MIB2: variants seen among roughly 807,000 people sequenced by gnomAD.
The protein encoded by MIB2 is E3 ubiquitin-protein ligase MIB2.
A neutral mutation model predicts 96.6 loss-of-function variants in MIB2; 78 were observed. The ratio of observed to expected loss-of-function variants is 0.81; its 90% CI spans 0.67 to 0.97. MIB2 has a LOEUF of 0.97. Ranked by LOEUF, MIB2 falls within the 50% of genes least tolerant of loss-of-function variation. The pLI, the probability that MIB2 is intolerant of heterozygous loss-of-function variation, is 0.00. For synonymous variants in MIB2, 820 were observed against 629.5 expected (o/e 1.30, Z -4.53); for missense variants, 1,543 against 1,424.0 (o/e 1.08, Z -1.35).
upstream of MIB2, chr1:1,615,263 G>C (rs749307730): frequency 5.3e-5 from 62 of 1,160,504 alleles, no homozygotes; most frequent in Admixed American, 1.1e-4. Context: ...TGCCGCCAGT[G>C]CCAGCGAGCG....
intron 2 of MIB2, among the ~76,000 whole-genome samples, chr1:1,622,938 G>A (rs557417849): frequency 3.3e-5 from 5 of 152,238 alleles, no homozygotes; most frequent in African/African-American, 7.2e-5. Flanking sequence ...TGACGTTTTC[G>A]TGTGGATCAT....
Position 1,623,622 on chromosome 1 carries a change from AC to A in MIB2, c.172del (p.Gln58ArgfsTer86). ...GACCGCACAGTGGTCGTGCAGTGGGACCAGGGCACGCGCACCAACTACCGCG... is the reference window on the plus strand; with the variant it reads ...GACCGCACAGTGGTCGTGCAGTGGGACAGGGCACGCGCACCAACTACCGCG... ...TPDRTVVVQW[D>X]QGTRTNYRAG... On this transcript the variant is annotated frameshift_variant, in exon 3 of 20. Coordinates refer to ENST00000355826, the MANE Select transcript of MIB2 (RefSeq NM_001170687.4). LOFTEE classifies it high-confidence loss of function. 6.7e-7 allele frequency: 1 copy of A among 1,487,686 alleles called. No homozygotes were observed. The allele number at this position is 1,487,686 out of a possible 1,614,324, so 92.2% of individuals were successfully genotyped here.
rs775421639 is a variant in MIB2, at chr1:1,630,551, C to A, written c.*21C>A. 4 of 1,526,682 alleles carry A rather than the reference C, an allele frequency of 2.6e-6. No individual in the cohort carries two copies. Among genetic ancestry groups the A allele is most frequent in the Non-Finnish European group, 2.6e-6 (3 of 1,140,556 alleles). The allele number at this position is 1,526,682 out of a possible 1,614,324, so 94.6% of individuals were successfully genotyped here. A position where few individuals can be genotyped will look rare whatever the true frequency, so the allele number is the denominator to read the frequency against. ...TGTGAGCCGCGCCGTCCGCCGCGCC[C>A]GAGCTGCCTTCGCGTGCCCCCGCCC... On this transcript the variant is annotated 3_prime_UTR_variant, in exon 20 of 20. Transcript: ENST00000355826.
Position 1,628,686 on chromosome 1 carries a change from C to T in MIB2, c.2166C>T (p.Ala722=), listed in dbSNP as rs1449578118. The part of the protein sequence containing the change: ...HQLLPLVADG[A]GGDPGPLQLL... ...TGCTGCCCCTGGTGGCTGATGGGGC[C>T]GGGGGGGACCCAGGGCCCTTGCAGC... The change falls in exon 16 of 20, where the codon GCC becomes GCT. Residue 722 remains alanine (A), a synonymous_variant. Coordinates refer to ENST00000355826, the MANE Select transcript of MIB2 (RefSeq NM_001170687.4). The T allele has an allele frequency of 1.7e-5, 26 of 1,570,130 alleles. No homozygotes were observed. The highest frequency in any genetic ancestry group is 4.6e-5 in the South Asian group (4 of 86,492).
intron 2 of MIB2, among the ~76,000 whole-genome samples, chr1:1,620,464 C>T (rs924083440): frequency 6.6e-6 from 1 of 152,166 alleles, no homozygotes; most frequent in African/African-American, 2.4e-5. Flanking sequence ...GAGGAGTCCC[C>T]GGCTTAGTGT....
At position 1,624,874 on chromosome 1, in the gene MIB2, C is replaced by G; in HGVS notation, c.499C>G (p.Pro167Ala). Residue 167 changes from proline to alanine, a missense_variant, in exon 5 of 20, where the codon CCC becomes GCC. Physicochemically the swap from Pro to Ala is conservative, Grantham distance 27. Coordinates refer to ENST00000355826, the MANE Select transcript of MIB2 (RefSeq NM_001170687.4). ...IFQGAKVVRG[P>A]DWEWGSQDGG... ...CCAGGGAGCGAAGGTGGTGCGAGGC[C>G]CCGACTGGGAGTGGGGCTCACAGGA... 6.2e-7 allele frequency: 1 copy of G among 1,613,048 alleles called. No homozygotes were observed. The highest frequency in any genetic ancestry group is 1.1e-5 in the South Asian group (1 of 91,084).
chr1:1,615,471 G>A, upstream of MIB2: 2 of 1,519,162 alleles, frequency 1.3e-6, no homozygotes, highest in Non-Finnish European at 1.8e-6. Flanking sequence ...TGGCGGGGGC[G>A]CTCCGGCGGG....
Position 1,625,214 on chromosome 1 carries a change from G to C in MIB2, c.721+29G>C. 6.2e-7 allele frequency: 1 copy of C among 1,602,800 alleles called. No homozygotes were observed. On this transcript the variant is annotated intron_variant, in intron 6 of 19. Transcript: ENST00000355826. This position sits in a 1 kb window ranked among gnomAD's most constrained non-coding sequence, Gnocchi z 5.0. ...TGAGGCTGTCACACTGACTCCATCA[G>C]CCCTCCTGCCTTGGCTGAAGTCCCA...
chr1:1,629,291 G>C lies in MIB2; in HGVS notation c.2361G>C (p.Gln787His), dbSNP rs1190686417. The C allele has an allele frequency of 6.6e-7, 1 of 1,518,350 alleles. No individual in the cohort carries two copies. The highest frequency in any genetic ancestry group is 2.6e-5 in the East Asian group (1 of 38,478). 94.1% of individuals were successfully genotyped at this position (1,518,350 alleles called of 1,614,324 possible). A position where few individuals can be genotyped will look rare whatever the true frequency, so the allele number is the denominator to read the frequency against. Reference protein sequence around the residue: ...AAEGRVLKALQGCAQRFRERQ... With the variant: ...AAEGRVLKALHGCAQRFRERQ... ...AGGGTCGCGTGCTCAAGGCCCTTCA[G>C]GGCTGCGCCCAGCGCTTCCGGTGAG... Residue 787 changes from glutamine (Q) to histidine (H), a missense_variant, in exon 17 of 20, where the codon CAG becomes CAC. Coordinates refer to ENST00000355826, the MANE Select transcript of MIB2 (RefSeq NM_001170687.4).
upstream of MIB2, chr1:1,615,317 T>C (rs971259842): frequency 8.0e-6 from 11 of 1,382,488 alleles, no homozygotes; most frequent in Admixed American, 3.4e-5. Flanking sequence ...ACCGAGTGCG[T>C]CTCTAGGACC....
At chr1:1,616,723 G>A in intron 2 of MIB2, 109 bp downstream of exon 2, 1 of 791,736 alleles carries the variant, frequency 1.3e-6, no homozygotes, top group Non-Finnish European at 2.0e-6. Flanking sequence ...GCATGCATGC[G>A]AGTGGAGGGG....
chr1:1,615,475 C>T (rs1483317377), upstream of MIB2: 5 of 1,520,702 alleles, frequency 3.3e-6, no homozygotes, highest in Non-Finnish European at 4.4e-6. Context: ...GGGGGCGCTC[C>T]GGCGGGGGCG....
Position 1,616,540 on chromosome 1 carries a change from C to T in MIB2, c.-97C>T, listed in dbSNP as rs763429141. ...AGCCCAGCGAGGCTAGAGGCCAGTC[C>T]CAAAGTTTCCAGGCATCAGGGCTGC... On this transcript the variant is annotated 5_prime_UTR_variant, in exon 2 of 20. Transcript: ENST00000355826. The T allele has an allele frequency of 5.0e-6, 8 of 1,602,982 alleles. No individual in the cohort carries two copies. In the African/African-American group the frequency reaches 6.7e-5, roughly 13 times the overall value.
intron 2 of MIB2, among the ~76,000 whole-genome samples, chr1:1,620,758 G>A (rs957284629): frequency 1.2e-4 from 19 of 152,394 alleles, no homozygotes; most frequent in African/African-American, 4.6e-4. Flanking sequence ...TCAGTTTGTG[G>A]ATCCTGGGAG....
At position 1,628,532 on chromosome 1, in the gene MIB2, C is replaced by A. The variant is rs1408195931; in HGVS notation, c.2012C>A (p.Pro671Gln). The change falls in exon 16 of 20, where the codon CCG (proline) becomes CAG (glutamine). Residue 671 changes from proline to glutamine, a missense_variant. Physicochemically the swap from Pro to Gln is moderately conservative, Grantham distance 76. Coordinates refer to ENST00000355826, the MANE Select transcript of MIB2 (RefSeq NM_001170687.4). ...GTGCGCAACCGGAAGCTGCAGTCCC[C>A]GCTGCATCTCGCCGTGCAACAGGCC... ...VNVRNRKLQS[P>Q]LHLAVQQAHV... 6.2e-7 allele frequency: 1 copy of A among 1,600,930 alleles called. No homozygotes were observed.
Position 1,623,433 on chromosome 1 carries a change from C to G in MIB2, c.-20C>G, listed in dbSNP as rs1644439584. The G allele has an allele frequency of 6.2e-7, 1 of 1,601,912 alleles. No homozygotes were observed. Among genetic ancestry groups the G allele is most frequent in the South Asian group, 1.1e-5 (1 of 89,734 alleles). ...ACCATGGACCCCTCTGCCCACAGGT[C>G]CCGAGCAGCCCCGCCCAACATGGAC... On this transcript the variant is annotated splice_region_variant and 5_prime_UTR_variant, in exon 3 of 20. Transcript: ENST00000355826.
Position 1,623,556 on chromosome 1 carries a change from C to T in MIB2, c.104C>T (p.Thr35Met), listed in dbSNP as rs771325299. ...GACGGCGGCGAGGGCGGCGTGGGCA[C>T]GGTGGTGGAGCTTGGCCGCCACGGC... ...QQDGGEGGVG[T>M]VVELGRHGSP... The change falls in exon 3 of 20, where the codon ACG becomes ATG. Residue 35 changes from threonine (T) to methionine (M), a missense_variant. Thr to Met is a moderately conservative substitution (Grantham distance 81). Transcript: ENST00000355826. The T allele has an allele frequency of 5.9e-6, 9 of 1,530,940 alleles. No individual in the cohort carries two copies. The highest frequency in any genetic ancestry group is 2.0e-5 in the Admixed American group (1 of 49,178). The allele number at this position is 1,530,940 out of a possible 1,614,324, so 94.8% of individuals were successfully genotyped here. A position where few individuals can be genotyped will look rare whatever the true frequency, so the allele number is the denominator to read the frequency against.
chr1:1,616,911 C>T (rs948078248), intron 2 of MIB2: 7 of 346,598 alleles, frequency 2.0e-5, no homozygotes, highest in South Asian at 1.7e-4. Context: ...TCCACCCTGG[C>T]CTGTTGCCTC....
chr1:1,630,261 T>A (rs1319471343), intron 19 of MIB2, 31 bp from the exon 20 acceptor site: 69 of 494,562 alleles, frequency 1.4e-4, no homozygotes, highest in Non-Finnish European at 1.5e-4. Flanking sequence ...CCACCCGGCC[T>A]CCCAGCTCAC....
Sources: allele counts gnomAD v4.1 joint callset (sites outside exome capture counted in the v4.1 genomes callset), GRCh38; gene constraint gnomAD v4.1.1; non-coding constraint Gnocchi (gnomAD v3.1); transcripts MANE v1.5; gene names NCBI Gene and HGNC (gene_info 2026-07-23, HGNC 2026-07-21).